Variants in PKHD1L1 observed in about 807,000 individuals in gnomAD.
PKHD1L1 encodes the protein fibrocystin-L.
PKHD1L1 carries 434 observed loss-of-function variants against 462.9 expected under a neutral mutation model. The ratio of observed to expected loss-of-function variants is 0.94; its 90% CI spans 0.87 to 1.02. PKHD1L1 has a LOEUF of 1.02. Ranked by LOEUF, PKHD1L1 falls within the 50% of genes least tolerant of loss-of-function variation. PKHD1L1 has a pLI of 0.00. For synonymous variants in PKHD1L1, 1,781 were observed against 1,750.0 expected (o/e 1.02, Z -0.44); for missense variants, 5,202 against 5,096.1 (o/e 1.02, Z -0.63).
chr8:109,364,747 T>C, intron 2 of PKHD1L1, 111 bp downstream of exon 2: 1 of 728,600 alleles, frequency 1.4e-6, no homozygotes, highest in South Asian at 1.9e-5. Context: ...TGGAGTTATT[T>C]CTTCACTTGG....
intron 67 of PKHD1L1, among the ~76,000 whole-genome samples, chr8:109,499,675 CT>C (rs1819303444): frequency 1.3e-5 from 2 of 152,108 alleles, no homozygotes; most frequent in African/African-American, 2.4e-5. Flanking sequence ...AAGATATAGT[CT>C]TTTAAAATAA....
chr8:109,410,726 CTTTT>C (rs71303459), intron 19 of PKHD1L1, among the ~76,000 whole-genome samples: 1,380 of 68,300 alleles, frequency 0.02, 5 homozygotes, highest in Middle Eastern at 0.036. Context: ...TTTTCTTTTT[CTTTT>C]TTTTTTTTTT....
intron 2 of PKHD1L1, among the ~76,000 whole-genome samples, chr8:109,380,708 G>T (rs192070885): frequency 1.3e-5 from 2 of 152,288 alleles, no homozygotes; most frequent in East Asian, 3.9e-4. Flanking sequence ...TTGAGCCCCA[G>T]TTGTCCTCAG....
At chr8:109,500,821 C>G (rs1028070987) in intron 67 of PKHD1L1, among the ~76,000 whole-genome samples, 4 of 152,032 alleles carry the variant, frequency 2.6e-5, no homozygotes, top group African/African-American at 9.7e-5. Flanking sequence ...ATAGAATAGG[C>G]CTACCTCTGC....
At chr8:109,479,691 A>G in intron 54 of PKHD1L1, 52 bp downstream of exon 54, 3 of 1,221,938 alleles carry the variant, frequency 2.5e-6, no homozygotes, top group Non-Finnish European at 3.5e-6. Flanking sequence ...CAATATTAAC[A>G]CTATGGCAGG....
intron 27 of PKHD1L1, among the ~76,000 whole-genome samples, chr8:109,430,463 C>A (rs1815036080): frequency 1.3e-5 from 2 of 152,058 alleles, no homozygotes; most frequent in Admixed American, 6.6e-5. Context: ...TCTGCTGTTT[C>A]ATAAAAGAAT....
In PKHD1L1 at chr8:109,481,510, T is replaced by C. The variant is rs746766836; in HGVS notation, c.9405T>C (p.Thr3135=). Residue 3135 remains threonine, a synonymous_variant, in exon 56 of 78, where the codon ACT becomes ACC. Transcript: ENST00000378402. ...AGATTGTTCTTAGAGGAAATCATAC[T>C]ACACAAGACTGGGCTCTTCCAGAAG... ...DLKIVLRGNH[T]TQDWALPEGP... 22 of 1,596,074 alleles carry C rather than the reference T, an allele frequency of 1.4e-5. No homozygotes were observed. The South Asian group carries it at 2.2e-4, about 16-fold the overall frequency.
At chr8:109,371,323 T>C (rs1344360236) in intron 2 of PKHD1L1, among the ~76,000 whole-genome samples, 1 of 152,220 alleles carries the variant, frequency 6.6e-6, no homozygotes, top group Non-Finnish European at 1.5e-5. Flanking sequence ...TGTCTGTTCA[T>C]ATCCTTTGCC....
At chr8:109,387,722 T>C (rs1812507952) in intron 6 of PKHD1L1, among the ~76,000 whole-genome samples, 1 of 152,206 alleles carries the variant, frequency 6.6e-6, no homozygotes, top group African/African-American at 2.4e-5. Flanking sequence ...GGGACTTATG[T>C]GTAAAAGTAT....
At chr8:109,363,807 T>C (rs921028012) in intron 1 of PKHD1L1, among the ~76,000 whole-genome samples, 2 of 152,214 alleles carry the variant, frequency 1.3e-5, no homozygotes, top group Admixed American at 1.3e-4. Flanking sequence ...AAGGGGCATG[T>C]CTTCTTTATA....
chr8:109,470,470 A>T, intron 50 of PKHD1L1: 1 of 1,607,518 alleles, frequency 6.2e-7, no homozygotes, highest in East Asian at 2.2e-5. Flanking sequence ...TAAAGCCCAG[A>T]TAGCGCTAGA....
At chr8:109,442,226 T>TTAGGAAAAA in intron 35 of PKHD1L1, 31 bp downstream of exon 35, 1 of 1,562,132 alleles carries the variant, frequency 6.4e-7, no homozygotes, top group Non-Finnish European at 8.7e-7. Context: ...TTTTGCATCA[T>TTAGGAAAAA]GTCACTTTTT....
At chr8:109,405,189 A>C in intron 16 of PKHD1L1, 59 bp downstream of exon 16, 1 of 1,092,454 alleles carries the variant, frequency 9.2e-7, no homozygotes, top group Non-Finnish European at 1.3e-6. Context: ...GTAGTCATAA[A>C]GTATTTGCTG....
In PKHD1L1 at chr8:109,372,181, G is replaced by A. The variant is rs1252973548; in HGVS notation, c.163+7545G>A. On this transcript the variant is annotated intron_variant, in intron 2 of 77. Transcript: ENST00000378402. ...TGTTTGTATCCTCTTTTATTTCATT[G>A]AGCAGTGGTTTGTAGTTCTCCTTGA... is the stretch of plus-strand genomic sequence containing the variant. Among the ~76,000 whole-genome samples, 3 of 151,966 alleles carry A rather than the reference G, an allele frequency of 2.0e-5. No individual in the cohort carries two copies. The South Asian group carries it at 6.2e-4, about 32-fold the overall frequency.
intron 23 of PKHD1L1, among the ~76,000 whole-genome samples, chr8:109,422,426 G>T (rs1814521673): frequency 1.3e-5 from 2 of 152,094 alleles, no homozygotes; most frequent in Non-Finnish European, 2.9e-5. Context: ...CAATAATTTT[G>T]TCGTTTCAAG....
rs1366895578 is a variant in PKHD1L1 at position 109,504,361 on chromosome 8, A to C, written c.10863A>C (p.Ser3621=). 1 of 1,487,338 alleles carries C rather than the reference A, an allele frequency of 6.7e-7. No homozygotes were observed. Among genetic ancestry groups the C allele is most frequent in the Non-Finnish European group, 9.1e-7 (1 of 1,099,302 alleles). The allele number at this position is 1,487,338 out of a possible 1,614,324, so 92.1% of individuals were successfully genotyped here. A position where few individuals can be genotyped will look rare whatever the true frequency, so the allele number is the denominator to read the frequency against. ...STFVGFKNVC[S]GETNVIFITN... is the part of the protein sequence containing the mutation. ...TTGTTGGATTTAAGAATGTTTGTTC[A>C]GGGGAAACTAATGTTATATTCATTA... Residue 3621 remains serine, a synonymous_variant, in exon 68 of 78, where the codon TCA becomes TCC. Transcript: ENST00000378402.
intron 57 of PKHD1L1, among the ~76,000 whole-genome samples, chr8:109,484,418 A>C (rs1287883442): frequency 1.3e-5 from 2 of 151,932 alleles, no homozygotes; most frequent in African/African-American, 2.4e-5. Flanking sequence ...GTAAATGAAC[A>C]AATAAATATC....
At chr8:109,448,599 C>T (rs1816302645) in intron 39 of PKHD1L1, among the ~76,000 whole-genome samples, 1 of 151,244 alleles carries the variant, frequency 6.6e-6, no homozygotes, top group Non-Finnish European at 1.5e-5. Context: ...GCAAGCTCTG[C>T]CTCCCAGGTT....
chr8:109,372,060 T>C (rs1195969905), intron 2 of PKHD1L1, among the ~76,000 whole-genome samples: 3 of 152,182 alleles, frequency 2.0e-5, no homozygotes, highest in African/African-American at 7.2e-5. Flanking sequence ...GGTAGCTTGA[T>C]GGGGATGGCA....
Sources: gnomAD v4.1 joint callset for allele counts (sites outside exome capture counted in the v4.1 genomes callset) on GRCh38, gnomAD v4.1.1 for gene constraint, MANE v1.5 for transcripts, NCBI Gene and HGNC (gene_info 2026-07-23, HGNC 2026-07-21) for gene names.